EPHA6: variants seen among roughly 807,000 people sequenced by gnomAD.
The protein encoded by EPHA6 is ephrin type-A receptor 6.
In EPHA6, 50 loss-of-function variants were observed where a neutral mutation model predicts 112.0. The ratio of observed to expected loss-of-function variants is 0.45; its 90% CI spans 0.36 to 0.56. The LOEUF (loss-of-function observed/expected upper bound fraction) is 0.56. Among genes scored for constraint, EPHA6 ranks in the 20% least tolerant of loss-of-function variants. The pLI is 0.00. For missense variants in EPHA6, 1,280 were observed against 1,417.4 expected, an observed-to-expected ratio of 0.90 and a Z score of 1.56; for synonymous variants, 529 against 490.7, an observed-to-expected ratio of 1.08 and a Z score of -1.03.
chr3:96,884,560 TG>T (rs2037511993), intron 2 of EPHA6, among the ~76,000 whole-genome samples: 2 of 152,228 alleles, frequency 1.3e-5, no homozygotes, highest in Non-Finnish European at 1.5e-5. Context: ...TACTGACTTG[TG>T]TACATTAATC....
chr3:97,327,483 G>C (rs2082490468), intron 5 of EPHA6, among the ~76,000 whole-genome samples: 1 of 151,670 alleles, frequency 6.6e-6, no homozygotes, highest in Non-Finnish European at 1.5e-5. Flanking sequence ...TCATTTATAT[G>C]TGTGTGTGTT....
intron 5 of EPHA6, among the ~76,000 whole-genome samples, chr3:97,256,024 A>G (rs1278198230): frequency 6.6e-6 from 1 of 152,158 alleles, no homozygotes; most frequent in African/African-American, 2.4e-5. Context: ...AAAATGCATT[A>G]GGTTTCTGAA....
Position 97,420,455 on chromosome 3 carries a change from GA to G in EPHA6, c.1731+15187del, listed in dbSNP as rs1170900069. 2.6e-5 allele frequency among the ~76,000 whole-genome samples: 4 copies of G among 151,844 alleles called. No individual in the cohort carries two copies. In the East Asian group the frequency reaches 7.7e-4, roughly 29 times the overall value. On this transcript the variant is annotated intron_variant, in intron 6 of 17. Transcript: ENST00000389672. Reference sequence around the variant, plus strand: ...TACATGTGAAAACTTACACAAACTAGAAAAAACTTCATACATATATTATTTA... The same window carrying G: ...TACATGTGAAAACTTACACAAACTAGAAAAACTTCATACATATATTATTTA...
chr3:96,953,896 A>G (rs1232201379), intron 2 of EPHA6, among the ~76,000 whole-genome samples: 2 of 150,552 alleles, frequency 1.3e-5, no homozygotes, highest in South Asian at 2.1e-4. Flanking sequence ...TTTTTGAGAC[A>G]TGGTCTGACT....
intron 11 of EPHA6, among the ~76,000 whole-genome samples, chr3:97,587,835 A>G (rs1309426362): frequency 6.6e-6 from 1 of 152,174 alleles, no homozygotes; most frequent in African/African-American, 2.4e-5. Flanking sequence ...GTAAGAAACA[A>G]CATGGTCTTC....
chr3:97,715,081 G>A (rs927836150), intron 14 of EPHA6, among the ~76,000 whole-genome samples: 4 of 152,166 alleles, frequency 2.6e-5, no homozygotes, highest in African/African-American at 7.2e-5. Flanking sequence ...GATCACCACT[G>A]TAACCATGAA....
chr3:96,942,920 A>G (rs2041053546), intron 2 of EPHA6, among the ~76,000 whole-genome samples: 2 of 152,170 alleles, frequency 1.3e-5, no homozygotes, highest in African/African-American at 4.8e-5. Context: ...TAAATTTCAT[A>G]GTCAACTTAC....
At chr3:97,190,224 C>T (rs1193873802) in intron 3 of EPHA6, among the ~76,000 whole-genome samples, 1 of 152,080 alleles carries the variant, frequency 6.6e-6, no homozygotes, top group Non-Finnish European at 1.5e-5. Context: ...TTCACTGTTA[C>T]CACTTCAAAA....
intron 2 of EPHA6, among the ~76,000 whole-genome samples, chr3:96,910,198 A>G (rs1326557883): frequency 2.0e-5 from 3 of 152,026 alleles, no homozygotes; most frequent in African/African-American, 7.2e-5. Context: ...TTATGGTTAA[A>G]TTTTTTAACA....
rs547211309 is a variant in EPHA6 at position 96,897,738 on chromosome 3, T to G, written c.450+30849T>G. On this transcript the variant is annotated intron_variant, in intron 2 of 17. Transcript: ENST00000389672. ...AAATTAAAGTGCAATTTAGTGACTT[T>G]ATGTAAAATTTTTTTCTAGATGCAT... Among the ~76,000 whole-genome samples, 17 of 152,322 alleles carry G rather than the reference T, an allele frequency of 1.1e-4. No individual in the cohort carries two copies. In the East Asian group the frequency reaches 2.7e-3, roughly 24 times the overall value.
chr3:97,650,716 ATG>A (rs931868001), intron 14 of EPHA6, among the ~76,000 whole-genome samples: 3 of 151,156 alleles, frequency 2.0e-5, no homozygotes, highest in Non-Finnish European at 2.9e-5. Flanking sequence ...TCTCTTCAAT[ATG>A]TGTTTTAAAG....
At chr3:97,447,909 C>A in intron 6 of EPHA6, 1 of 376,084 alleles carries the variant, frequency 2.7e-6, no homozygotes, top group Non-Finnish European at 3.8e-6. Flanking sequence ...TTCACAGTCA[C>A]TATGTAACTA....
At chr3:97,281,918 A>C (rs116074931) in intron 5 of EPHA6, among the ~76,000 whole-genome samples, 4,536 of 152,270 alleles carry the variant, frequency 0.03, 96 homozygotes, top group South Asian at 0.083. Context: ...CGTTTTTACA[A>C]ATCAGAAAAT....
At chr3:96,954,741 C>G (rs2041686537) in intron 2 of EPHA6, among the ~76,000 whole-genome samples, 2 of 133,632 alleles carry the variant, frequency 1.5e-5, no homozygotes, top group African/African-American at 5.4e-5. Flanking sequence ...TTTGTGAAAA[C>G]AGGAATTAGT....
At chr3:97,052,534 G>T (rs1240173898) in intron 3 of EPHA6, among the ~76,000 whole-genome samples, 1 of 152,060 alleles carries the variant, frequency 6.6e-6, no homozygotes, top group East Asian at 1.9e-4. Context: ...CTCAATATTT[G>T]TTGACTAAGT....
chr3:97,012,704 C>T (rs1177726883), intron 3 of EPHA6, among the ~76,000 whole-genome samples: 1 of 150,094 alleles, frequency 6.7e-6, no homozygotes, highest in African/African-American at 2.5e-5. Context: ...AAGCAATCTG[C>T]CCCCCTCGGC....
chr3:97,470,420 G>GTTCATA (rs1347325296), intron 7 of EPHA6, among the ~76,000 whole-genome samples: 2 of 151,606 alleles, frequency 1.3e-5, no homozygotes, highest in African/African-American at 2.4e-5. Context: ...TTAAAAATAT[G>GTTCATA]TTCATAACAG....
chr3:97,535,379 G>A (rs988077568), intron 11 of EPHA6, among the ~76,000 whole-genome samples: 11 of 152,102 alleles, frequency 7.2e-5, no homozygotes, highest in African/African-American at 2.7e-4. Flanking sequence ...GATAGATTCA[G>A]TATACTGTTG....
chr3:96,966,390 G>A (rs1417402626), intron 2 of EPHA6, among the ~76,000 whole-genome samples: 4 of 152,044 alleles, frequency 2.6e-5, no homozygotes, highest in Non-Finnish European at 5.9e-5. Context: ...GTGCCATAGA[G>A]CAGAGTACAG....
Sources: gnomAD v4.1 joint callset for allele counts (sites outside exome capture counted in the v4.1 genomes callset) on GRCh38, gnomAD v4.1.1 for gene constraint, MANE v1.5 for transcripts, NCBI Gene and HGNC (gene_info 2026-07-23, HGNC 2026-07-21) for gene names.